The following FGF14 variants were observed in gnomAD, a reference collection of about 807,000 sequenced individuals.
FGF14 encodes the protein fibroblast growth factor homologous factor 4.
A neutral mutation model predicts 25.5 loss-of-function variants in FGF14; 5 were observed. The observed-to-expected ratio is 0.20, with a 90% CI of 0.10 to 0.41. The LOEUF (loss-of-function observed/expected upper bound fraction) is 0.41, where lower values mean the gene tolerates loss of function less well. Among genes scored for constraint, FGF14 ranks in the 10% least tolerant of loss-of-function variants. The probability of loss-of-function intolerance (pLI) is 1.00; values close to 1 mark genes in which losing one functional copy is unlikely to be tolerated. For missense variants in FGF14, 222 were observed against 320.1 expected (o/e 0.69, Z 2.34); for synonymous variants, 138 against 118.3 (o/e 1.17, Z -1.08).
In FGF14 at chr13:101,713,753, TTTAG is replaced by T. The variant is rs1192913250; in HGVS notation, c.*9074_*9077del. The T allele has an allele frequency of 2.0e-5, 3 of 152,142 alleles. No individual in the cohort carries two copies. The highest frequency in any genetic ancestry group is 4.1e-4 in the South Asian group (2 of 4,832). 9.4% of individuals were successfully genotyped at this position (152,142 alleles called of 1,614,324 possible). ...TTTTAAATAACCAAAGAGGAAGTTT[TTTAG>T]TTAGGTAGGAGAAATGGGTGAAGTG... On this transcript the variant is annotated 3_prime_UTR_variant, in exon 5 of 5. Coordinates refer to ENST00000376143, the MANE Select transcript of FGF14 (RefSeq NM_004115.4).
intron 1 of FGF14, among the ~76,000 whole-genome samples, chr13:102,329,300 T>G (rs1270670774): frequency 6.6e-6 from 1 of 152,166 alleles, no homozygotes; most frequent in Non-Finnish European, 1.5e-5. Context: ...TGGCTTCTTA[T>G]TAGCCCTGTG....
intron 1 of FGF14, among the ~76,000 whole-genome samples, chr13:101,907,021 T>C (rs1212531961): frequency 6.6e-6 from 1 of 152,156 alleles, no homozygotes; most frequent in African/African-American, 2.4e-5. Context: ...TTAAGCAAAC[T>C]AATATTTTAG....
intron 1 of FGF14, among the ~76,000 whole-genome samples, chr13:101,911,015 T>A (rs960696390): frequency 1.3e-5 from 2 of 151,922 alleles, no homozygotes; most frequent in African/African-American, 4.8e-5. Flanking sequence ...ATAAATTATA[T>A]CTAAGAAAAA....
At chr13:102,110,934 A>G (rs2045193137) in intron 1 of FGF14, among the ~76,000 whole-genome samples, 1 of 152,216 alleles carries the variant, frequency 6.6e-6, no homozygotes, top group Non-Finnish European at 1.5e-5. Flanking sequence ...AAAGGTTCCC[A>G]TTAGCCTTAA....
At chr13:102,013,770 A>G (rs2040200674) in intron 1 of FGF14, among the ~76,000 whole-genome samples, 1 of 152,160 alleles carries the variant, frequency 6.6e-6, no homozygotes, top group Admixed American at 6.5e-5. Context: ...ATCATATATG[A>G]CATTTTATTT....
chr13:101,909,201 A>C (rs902896554), intron 1 of FGF14, among the ~76,000 whole-genome samples: 2 of 152,228 alleles, frequency 1.3e-5, no homozygotes, highest in Non-Finnish European at 2.9e-5. Flanking sequence ...CATGTCTAAA[A>C]CACCAAAAGC....
chr13:102,133,205 C>G (rs1265252166), intron 1 of FGF14, among the ~76,000 whole-genome samples: 1 of 152,176 alleles, frequency 6.6e-6, no homozygotes, highest in Non-Finnish European at 1.5e-5. Flanking sequence ...TCTAGGTCTG[C>G]ACTGATTTTA....
At chr13:102,135,756 A>C (rs2046385309) in intron 1 of FGF14, among the ~76,000 whole-genome samples, 1 of 152,144 alleles carries the variant, frequency 6.6e-6, no homozygotes, top group South Asian at 2.1e-4. Context: ...CCCAGATTCA[A>C]GTGATTCTCC....
chr13:102,207,624 T>TAA (rs35568335), intron 1 of FGF14, among the ~76,000 whole-genome samples: 3,905 of 92,220 alleles, frequency 0.042, 330 homozygotes, highest in African/African-American at 0.16. Flanking sequence ...CAGTTTTCAT[T>TAA]AAAAAAAAAA....
chr13:102,093,829 G>A (rs1162981109), intron 1 of FGF14, among the ~76,000 whole-genome samples: 1 of 124,844 alleles, frequency 8.0e-6, no homozygotes, highest in Non-Finnish European at 1.8e-5. Flanking sequence ...AAAAAAAAAA[G>A]GAAGGAGAGA....
intron 3 of FGF14, among the ~76,000 whole-genome samples, chr13:101,762,283 T>C (rs2038078411): frequency 6.6e-6 from 1 of 152,208 alleles, no homozygotes; most frequent in African/African-American, 2.4e-5. Flanking sequence ...GACACAAATA[T>C]GAAATTGGCA....
rs552843121 is a variant in FGF14, at chr13:101,831,718, C to T, written c.408+37007G>A. Among the ~76,000 whole-genome samples, 6 of 152,190 alleles carry T rather than the reference C, an allele frequency of 3.9e-5. No homozygotes were observed. The South Asian group carries it at 8.3e-4, about 21-fold the overall frequency. On this transcript the variant is annotated intron_variant, in intron 3 of 4. Transcript: ENST00000376143. The stretch of plus-strand genomic sequence containing the variant: ...CTGCATAGATCTTTGCCTCAATTCA[C>T]CTGTCAATGAGCTAGAAAGTTGATA...
chr13:101,902,077 A>T (rs1471772120), intron 1 of FGF14, among the ~76,000 whole-genome samples: 2 of 152,168 alleles, frequency 1.3e-5, no homozygotes, highest in African/African-American at 4.8e-5. Flanking sequence ...TTGAAACCAT[A>T]GGAATATCTC....
intron 1 of FGF14, among the ~76,000 whole-genome samples, chr13:102,112,952 T>C (rs1460051558): frequency 6.6e-6 from 1 of 152,212 alleles, no homozygotes; most frequent in Non-Finnish European, 1.5e-5. Flanking sequence ...ATAGTTCTTG[T>C]ACTCTTGAAA....
At chr13:102,368,215 T>C (rs577680203) in intron 1 of FGF14, among the ~76,000 whole-genome samples, 2 of 152,342 alleles carry the variant, frequency 1.3e-5, no homozygotes, top group South Asian at 4.1e-4. Context: ...TTCACGTACA[T>C]AAAATAATAC....
intron 3 of FGF14, among the ~76,000 whole-genome samples, chr13:101,838,479 T>G (rs559911627): frequency 5.7e-4 from 86 of 152,130 alleles, no homozygotes; most frequent in African/African-American, 2.1e-3. Context: ...ACTATCCAAA[T>G]ATTAAAATTT....
At chr13:101,981,183 G>A (rs1458161552) in intron 1 of FGF14, among the ~76,000 whole-genome samples, 1 of 151,904 alleles carries the variant, frequency 6.6e-6, no homozygotes, top group African/African-American at 2.4e-5. Context: ...GGGAGGCTGA[G>A]ACAGAAGAAT....
chr13:102,234,851 G>A (rs2051258106), intron 1 of FGF14, among the ~76,000 whole-genome samples: 3 of 152,322 alleles, frequency 2.0e-5, no homozygotes, highest in South Asian at 4.1e-4. Context: ...TTTACTTTCT[G>A]TGTATGGAGA....
Position 102,380,184 on chromosome 13 carries a change from G to GAACTGACATTACATGGAATGTCATGA in FGF14, c.208+21261_208+21286dup, listed in dbSNP as rs1555408850. On this transcript the variant is annotated intron_variant, in intron 1 of 4. Coordinates refer to the FGF14 transcript ENST00000376131. ...AATGTCATGGAACTGACATTCCATG[G>GAACTGACATTACATGGAATGTCATGA]AACTGACATTACATGGAATGTCATG... Among the ~76,000 whole-genome samples, 938 of 151,900 alleles carry GAACTGACATTACATGGAATGTCATGA rather than the reference G, an allele frequency of 6.2e-3. 7 individuals carry two copies. Among genetic ancestry groups the GAACTGACATTACATGGAATGTCATGA allele is most frequent in the African/African-American group, 0.019 (789 of 41,396 alleles).
Sources: gnomAD v4.1 joint callset for allele counts (sites outside exome capture counted in the v4.1 genomes callset) on GRCh38, gnomAD v4.1.1 for gene constraint, MANE v1.5 for transcripts, NCBI Gene and HGNC (gene_info 2026-07-23, HGNC 2026-07-21) for gene names.